The following HPN variants were observed in gnomAD, a reference collection of about 807,000 sequenced individuals.
The protein encoded by HPN is serine protease hepsin.
HPN carries 13 observed loss-of-function variants against 55.9 expected under a neutral mutation model. That is an observed-to-expected ratio of 0.23 (90% CI 0.15 to 0.37). HPN has a LOEUF of 0.37. HPN is among the 10% of genes least tolerant of loss of function. The probability of loss-of-function intolerance (pLI) is 1.00; values close to 1 mark genes in which losing one functional copy is unlikely to be tolerated. For missense variants in HPN, 451 were observed against 575.8 expected, an observed-to-expected ratio of 0.78 and a Z score of 2.22; for synonymous variants, 225 against 240.3, an observed-to-expected ratio of 0.94 and a Z score of 0.59.
In HPN at chr19:35,059,735, C is replaced by T. The variant is rs2064503749; in HGVS notation, c.223C>T (p.Leu75=). The change falls in exon 5 of 13, where the codon CTG becomes TTG. Residue 75 remains leucine, a synonymous_variant. Coordinates refer to ENST00000672452, the MANE Select transcript of HPN (RefSeq NM_001384133.1). The stretch of plus-strand genomic sequence containing the variant: ...TGACAAGACGGAAGGGACGTGGCGG[C>T]TGCTGTGCTCCTCGCGCTCCAACGC... ...VFDKTEGTWR[L]LCSSRSNARV... The T allele has an allele frequency of 6.3e-7, 1 of 1,595,668 alleles. No homozygotes were observed.
intron 2 of HPN, among the ~76,000 whole-genome samples, chr19:35,046,978 G>A (rs1480526873): frequency 6.6e-6 from 1 of 152,108 alleles, no homozygotes; most frequent in African/African-American, 2.4e-5. Context: ...ACAGGTGCCT[G>A]CCACTGCGCC....
chr19:35,046,463 T>C (rs2064343241), intron 2 of HPN, among the ~76,000 whole-genome samples: 1 of 152,122 alleles, frequency 6.6e-6, no homozygotes, highest in Non-Finnish European at 1.5e-5. Context: ...CAGGCTGGTC[T>C]TGAGCTCCTG....
upstream of HPN, chr19:35,041,676 C>CGGG: frequency 9.1e-7 from 1 of 1,103,966 alleles, no homozygotes. Flanking sequence ...GGTCCGGCCC[C>CGGG]TCCCCGCCCC....
chr19:35,065,220 G>A, intron 9 of HPN, 30 bp from the exon 10 acceptor site: 1 of 1,552,656 alleles, frequency 6.4e-7, no homozygotes, highest in Non-Finnish European at 8.8e-7. Flanking sequence ...CAGGCCAGCG[G>A]GGGCTGGACC....
At chr19:35,065,399 C>A in intron 10 of HPN, 54 bp downstream of exon 10, 1 of 1,568,172 alleles carries the variant, frequency 6.4e-7, no homozygotes, top group Non-Finnish European at 8.7e-7. Context: ...CTGAACTAGG[C>A]TGGGGATGGG....
chr19:35,041,688 T>TCCCCCCCCCCCCCCCCCCCCCCCCCCC, upstream of HPN: 2 of 638,114 alleles, frequency 3.1e-6, no homozygotes, highest in Admixed American at 5.9e-5. Flanking sequence ...CCCCGCCCCT[T>TCCCCCCCCCCCCCCCCCCCCCCCCCCC]CACCCGCCCC....
At position 35,049,499 on chromosome 19, in the gene HPN, A is replaced by G. The variant is rs772611529; in HGVS notation, c.143A>G (p.Gln48Arg). Reference protein sequence around the residue: ...AIVAVLLRSDQEPLYPVQVSS... With the variant: ...AIVAVLLRSDREPLYPVQVSS... ...GTGGCTGTTCTCCTCAGGAGTGACC[A>G]GGAGCCGCTGTACCCAGGTGAGTGG... The change falls in exon 4 of 13, where the codon CAG (glutamine) becomes CGG (arginine). Residue 48 changes from glutamine to arginine, a missense_variant. Physicochemically the swap from Gln to Arg is conservative, Grantham distance 43. Coordinates refer to ENST00000672452, the MANE Select transcript of HPN (RefSeq NM_001384133.1). 1.9e-6 allele frequency: 3 copies of G among 1,604,948 alleles called. No homozygotes were observed. The South Asian group carries it at 3.3e-5, about 18-fold the overall frequency.
At chr19:35,054,708 T>A (rs2064438341) in intron 4 of HPN, among the ~76,000 whole-genome samples, 1 of 152,148 alleles carries the variant, frequency 6.6e-6, no homozygotes, top group Non-Finnish European at 1.5e-5. Flanking sequence ...CCACCCCACC[T>A]CTCTGAGCCT....
chr19:35,063,480 G>A (rs2452000), intron 9 of HPN, among the ~76,000 whole-genome samples: 129,544 of 152,262 alleles, frequency 0.85, 56,226 homozygotes, highest in Non-Finnish European at 0.93. Context: ...AGGCTGAAGC[G>A]GGCAGATCAC....
At chr19:35,055,771 G>T (rs1600388226) in intron 4 of HPN, among the ~76,000 whole-genome samples, 2 of 151,942 alleles carry the variant, frequency 1.3e-5, no homozygotes, top group East Asian at 3.9e-4. Context: ...CACTTAACCG[G>T]CAATTCTGGA....
chr19:35,060,822 G>A lies in HPN; in HGVS notation c.811+5G>A. On this transcript the variant is annotated splice_donor_5th_base_variant and intron_variant, in intron 9 of 12. Coordinates refer to ENST00000672452, the MANE Select transcript of HPN (RefSeq NM_001384133.1). ...CCAGTCCCCTGCCCCTCACAGGTAAGTCTAAGGGCTGAGCCATGGGGCTTG... is the reference window on the plus strand; with the variant it reads ...CCAGTCCCCTGCCCCTCACAGGTAAATCTAAGGGCTGAGCCATGGGGCTTG... 6.4e-7 allele frequency: 1 copy of A among 1,565,586 alleles called. No homozygotes were observed. Among genetic ancestry groups the A allele is most frequent in the South Asian group, 1.2e-5 (1 of 82,410 alleles).
chr19:35,046,074 C>A (rs906856842), intron 2 of HPN, among the ~76,000 whole-genome samples: 3 of 152,180 alleles, frequency 2.0e-5, no homozygotes, highest in African/African-American at 4.8e-5. Context: ...GAGCCAAGAC[C>A]TCCTGCTGGA....
chr19:35,048,057 AAAG>A lies in HPN; in HGVS notation c.17-1230_17-1228del, dbSNP rs1568356311. ...GAAAGAAAGAAAGAAAGAAAGAAAGAAAGAAAGAAAGAAAGAAAGAAAGAAAAG... is the reference window on the plus strand; with the variant it reads ...GAAAGAAAGAAAGAAAGAAAGAAAGAAAAGAAAGAAAGAAAGAAAGAAAAG... On this transcript the variant is annotated intron_variant, in intron 2 of 12. Coordinates refer to ENST00000672452, the MANE Select transcript of HPN (RefSeq NM_001384133.1). Among the ~76,000 whole-genome samples, 994 of 55,380 alleles carry A rather than the reference AAAG, an allele frequency of 0.018. 53 individuals carry two copies. In the South Asian group the frequency reaches 0.18, roughly 10 times the overall value. 36.3% of individuals were successfully genotyped at this position (55,380 alleles called of 152,430 possible).
chr19:35,044,084 G>A (rs1012098184), intron 2 of HPN, among the ~76,000 whole-genome samples: 2 of 152,200 alleles, frequency 1.3e-5, no homozygotes, highest in African/African-American at 4.8e-5. Flanking sequence ...TTTCTCATCT[G>A]TAAACTGGGG....
chr19:35,047,155 T>C (rs1005162369), intron 2 of HPN, among the ~76,000 whole-genome samples: 5 of 152,050 alleles, frequency 3.3e-5, no homozygotes, highest in African/African-American at 1.2e-4. Context: ...CTCCAGGACC[T>C]CTTTGCCCTG....
chr19:35,041,992 G>C, intron 1 of HPN, 120 bp downstream of exon 1: 9 of 1,179,130 alleles, frequency 7.6e-6, no homozygotes, highest in Non-Finnish European at 9.6e-6. Flanking sequence ...TGAAGAGGGG[G>C]CACTATGACG....
intron 4 of HPN, among the ~76,000 whole-genome samples, chr19:35,057,873 G>A (rs1051611588): frequency 2.6e-5 from 4 of 152,028 alleles, no homozygotes; most frequent in Admixed American, 6.5e-5. Flanking sequence ...TTTTAAGGCC[G>A]GGTGCAGTGG....
chr19:35,046,830 T>G (rs906556547), intron 2 of HPN, among the ~76,000 whole-genome samples: 42 of 152,000 alleles, frequency 2.8e-4, no homozygotes, highest in African/African-American at 1.0e-3. Context: ...ATGTATTTAT[T>G]TATTTATTTA....
At chr19:35,056,494 G>A (rs2064456456) in intron 4 of HPN, among the ~76,000 whole-genome samples, 1 of 152,164 alleles carries the variant, frequency 6.6e-6, no homozygotes, top group African/African-American at 2.4e-5. Context: ...TTCCTCTGAG[G>A]TGTGTGGGGA....
Sources: allele counts gnomAD v4.1 joint callset (sites outside exome capture counted in the v4.1 genomes callset), GRCh38; gene constraint gnomAD v4.1.1; transcripts MANE v1.5; gene names NCBI Gene and HGNC (gene_info 2026-07-23, HGNC 2026-07-21).